The following PBRM1 variants were observed in gnomAD, a reference collection of about 807,000 sequenced individuals.
PBRM1 encodes the protein protein polybromo-1.
A neutral mutation model predicts 194.5 loss-of-function variants in PBRM1; 27 were observed. The observed-to-expected ratio is 0.14, with a 90% confidence interval of 0.10 to 0.19. The LOEUF is 0.19. Ranked by LOEUF, PBRM1 falls within the 10% of genes least tolerant of loss-of-function variation. The pLI is 1.00. For missense variants in PBRM1, 1,466 were observed against 2,077.2 expected, an observed-to-expected ratio of 0.71 and a Z score of 5.72; for synonymous variants, 655 against 693.2, an observed-to-expected ratio of 0.94 and a Z score of 0.87.
At chr3:52,614,753 T>C (rs1342404646) in intron 15 of PBRM1, among the ~76,000 whole-genome samples, 1 of 152,054 alleles carries the variant, frequency 6.6e-6, no homozygotes, top group East Asian at 1.9e-4. Context: ...GTATTTTTAG[T>C]AAAGATGGGG....
chr3:52,630,015 C>T (rs994881057), intron 11 of PBRM1, among the ~76,000 whole-genome samples: 1 of 152,162 alleles, frequency 6.6e-6, no homozygotes, highest in African/African-American at 2.4e-5. Context: ...AAATTCAGCT[C>T]TCAGTACCAG....
intron 26 of PBRM1, among the ~76,000 whole-genome samples, 200 bp downstream of exon 28, chr3:52,558,049 G>A (rs1036439000): frequency 3.3e-5 from 5 of 152,228 alleles, no homozygotes; most frequent in African/African-American, 1.2e-4. Context: ...AATTACCAGG[G>A]TTGGGCCCAG....
chr3:52,632,622 G>A (rs868070106), intron 11 of PBRM1, among the ~76,000 whole-genome samples: 11 of 150,052 alleles, frequency 7.3e-5, no homozygotes, highest in African/African-American at 2.7e-4. Context: ...GGGCACTGAA[G>A]AAAAGGTTAC....
intron 18 of PBRM1, 48 bp downstream of exon 20, chr3:52,589,022 A>G: frequency 1.4e-6 from 2 of 1,392,642 alleles, no homozygotes; most frequent in Non-Finnish European, 2.0e-6. Flanking sequence ...AGGAGAAGTC[A>G]AACAGTCATA....
rs549219985 is a variant in PBRM1, at chr3:52,562,253, G to A, written c.4087-285C>T. ...GAGGCAGGAGAATGGCGTGAACCCG[G>A]GAGACGGAGCTTGCATTAAGCCAAG... On this transcript the variant is annotated intron_variant, in intron 24 of 29. Coordinates refer to ENST00000296302, the Ensembl canonical transcript of PBRM1. 7.9e-5 allele frequency among the ~76,000 whole-genome samples: 12 copies of A among 151,818 alleles called. No individual in the cohort carries two copies. The South Asian group carries it at 2.5e-3, about 32-fold the overall frequency.
chr3:52,583,639 T>A (rs2091837112), intron 20 of PBRM1, among the ~76,000 whole-genome samples: 1 of 152,184 alleles, frequency 6.6e-6, no homozygotes, highest in South Asian at 2.1e-4. Context: ...AAAGAGCTCT[T>A]TGTATATTAG....
chr3:52,653,241 C>T (rs2096542440), intron 5 of PBRM1, among the ~76,000 whole-genome samples: 1 of 152,126 alleles, frequency 6.6e-6, no homozygotes, highest in Non-Finnish European at 1.5e-5. Flanking sequence ...CTGCTTATTT[C>T]AGTCAAAGTA....
chr3:52,644,167 A>T (rs1012327739), intron 8 of PBRM1, among the ~76,000 whole-genome samples: 2 of 152,004 alleles, frequency 1.3e-5, no homozygotes, highest in East Asian at 3.8e-4. Flanking sequence ...TGTACAAAGC[A>T]ATAATATTTG....
intron 6 of PBRM1, among the ~76,000 whole-genome samples, chr3:52,650,134 G>A (rs991091648): frequency 2.0e-5 from 3 of 151,950 alleles, no homozygotes; most frequent in African/African-American, 2.4e-5. Context: ...AGGCCAAGGC[G>A]GGTGGATCAC....
chr3:52,644,814 T>C, intron 7 of PBRM1, 25 bp from the exon 9 acceptor site: 1 of 1,154,994 alleles, frequency 8.7e-7, no homozygotes. Flanking sequence ...TTACTTGGTT[T>C]AAAAAAGGAA....
Position 52,676,140 on chromosome 3 carries a change from AAAAAAAAAAAAAT to A in PBRM1, c.236+2347_236+2359del, listed in dbSNP as rs1452188562. ...AAAAAAAAAAAAAAAAAAAAAAAAA[AAAAAAAAAAAAAT>A]AATGAATGAAGCGGGATCCTTACCT... On this transcript the variant is annotated intron_variant, in intron 2 of 29. Coordinates refer to ENST00000296302, the Ensembl canonical transcript of PBRM1. Among the ~76,000 whole-genome samples, 12 of 30,310 alleles carry A rather than the reference AAAAAAAAAAAAAT, an allele frequency of 4.0e-4. 3 individuals carry two copies. The highest frequency in any genetic ancestry group is 1.5e-3 in the South Asian group (3 of 2,046). The allele number at this position is 30,310 out of a possible 152,430, so 19.9% of individuals were successfully genotyped here. A position where few individuals can be genotyped will look rare whatever the true frequency, so the allele number is the denominator to read the frequency against.
chr3:52,617,328 C>G (rs770253796), exon 14 of PBRM1: 3 of 1,614,024 alleles, frequency 1.9e-6, no homozygotes, highest in Non-Finnish European at 2.5e-6. Flanking sequence ...CTATCATTCC[C>G]TCTTCACCAG....
At chr3:52,665,465 A>T (rs2096814080) in intron 3 of PBRM1, among the ~76,000 whole-genome samples, 1 of 152,114 alleles carries the variant, frequency 6.6e-6, no homozygotes, top group Admixed American at 6.5e-5. Context: ...TGCCTGGCTG[A>T]ATAGTATTTT....
chr3:52,609,422 G>A lies in PBRM1; in HGVS notation c.2458C>T (p.Leu820Phe). The A allele has an allele frequency of 1.2e-6, 2 of 1,613,886 alleles. No individual in the cohort carries two copies. Among genetic ancestry groups the A allele is most frequent in the Non-Finnish European group, 1.7e-6 (2 of 1,179,790 alleles). ...TTCTTCCTAATTATGTCAAATGTAA[G>A]GGGTGGTTTGTTAGGAAAGTTGGGA... The change falls in exon 16 of 30, where the codon CTT becomes TTT. Residue 820 changes from leucine (L) to phenylalanine (F), a missense_variant. Physicochemically the swap from Leu to Phe is conservative, Grantham distance 22. This residue lies in a region of PBRM1 where 687 missense variants were observed against 946.2 expected (regional missense o/e 0.73). Transcript: ENST00000296302. The surrounding 1 kb of genome is among the most constrained non-coding windows in gnomAD (Gnocchi z 4.1).
Position 52,624,777 on chromosome 3 carries a change from CACCCCAATA to C in PBRM1, c.1541+2487_1541+2495del, listed in dbSNP as rs1270867956. The C allele has an allele frequency of 7.5e-6, 5 of 662,358 alleles. No individual in the cohort carries two copies. The Admixed American group carries it at 1.4e-4, about 18-fold the overall frequency. The allele number at this position is 662,358 out of a possible 1,614,324, so 41.0% of individuals were successfully genotyped here. A position where few individuals can be genotyped will look rare whatever the true frequency, so the allele number is the denominator to read the frequency against. On this transcript the variant is annotated intron_variant, in intron 13 of 29. Coordinates refer to ENST00000296302, the Ensembl canonical transcript of PBRM1. ...TTTCTTTATTCATAAAATAAACTGG[CACCCCAATA>C]AAGACTTTTTTTCACATGCTTAAGG...
downstream of PBRM1, chr3:52,545,453 A>T (rs748636440): frequency 3.0e-5 from 7 of 232,656 alleles, no homozygotes; most frequent in Admixed American, 5.6e-5. Flanking sequence ...AAGACTAGTT[A>T]CCACGTAAAC....
At chr3:52,576,495 T>C in intron 22 of PBRM1, 46 bp downstream of exon 24, 1 of 1,456,946 alleles carries the variant, frequency 6.9e-7, no homozygotes, top group Non-Finnish European at 9.4e-7. Context: ...ATTCCATCAA[T>C]TTTGATGGAA....
At chr3:52,682,797 T>C (rs1040698844), upstream of PBRM1, among the ~76,000 whole-genome samples, 1 of 152,166 alleles carries the variant, frequency 6.6e-6, no homozygotes, top group African/African-American at 2.4e-5. Flanking sequence ...CCGGGAGTGG[T>C]GGGTCATGCC....
At chr3:52,618,815 G>A (rs550098795) in intron 13 of PBRM1, among the ~76,000 whole-genome samples, 2 of 152,026 alleles carry the variant, frequency 1.3e-5, no homozygotes, top group East Asian at 3.9e-4. Context: ...GCAACGGTGT[G>A]ATCTCTGCTC....
Sources: allele counts gnomAD v4.1 joint callset (sites outside exome capture counted in the v4.1 genomes callset), GRCh38; gene constraint gnomAD v4.1.1; regional missense constraint gnomAD v4.1.1; non-coding constraint Gnocchi (gnomAD v3.1); transcripts MANE v1.5; gene names NCBI Gene and HGNC (gene_info 2026-07-23, HGNC 2026-07-21).